AOPEP: variants seen among roughly 807,000 people sequenced by gnomAD.
AOPEP encodes aminopeptidase O.
AOPEP carries 77 observed loss-of-function variants against 98.1 expected under a neutral mutation model. The observed-to-expected ratio is 0.78, with a 90% CI of 0.65 to 0.95. The LOEUF (loss-of-function observed/expected upper bound fraction) is 0.95, where lower values mean the gene tolerates loss of function less well. Ranked by LOEUF, AOPEP falls within the 40% of genes least tolerant of loss-of-function variation. AOPEP has a pLI of 0.00. For synonymous variants in AOPEP, 346 were observed against 365.3 expected, an observed-to-expected ratio of 0.95 and a Z score of 0.60; for missense variants, 1,024 against 1,024.7, an observed-to-expected ratio of 1.00 and a Z score of 0.01.
intron 5 of AOPEP, among the ~76,000 whole-genome samples, chr9:94,831,799 G>A (rs10118818): frequency 0.99 from 151,160 of 152,048 alleles, 75,141 homozygotes; most frequent in Middle Eastern, 1. Context: ...AAAAATACCT[G>A]GAAATACAGC....
At chr9:94,932,104 T>C in intron 7 of AOPEP, 1 of 1,050,392 alleles carries the variant, frequency 9.5e-7, no homozygotes, top group African/African-American at 1.7e-5. Context: ...ATTCCTGTCT[T>C]CAGGGAACTG....
intron 5 of AOPEP, among the ~76,000 whole-genome samples, chr9:94,848,652 C>CA (rs904791676): frequency 6.0e-5 from 9 of 150,930 alleles, no homozygotes; most frequent in East Asian, 3.9e-4. Context: ...AAACCAAAAA[C>CA]AAAAAAACAA....
chr9:95,125,673 A>C, the AOPEP span, among the ~76,000 whole-genome samples: 1 of 152,248 alleles, frequency 6.6e-6, no homozygotes, highest in Non-Finnish European at 1.5e-5. Context: ...AAACAAACAA[A>C]AAAACTCTCA....
At chr9:94,878,892 G>A (rs952548666) in intron 5 of AOPEP, among the ~76,000 whole-genome samples, 2 of 152,224 alleles carry the variant, frequency 1.3e-5, no homozygotes, top group East Asian at 1.9e-4. Flanking sequence ...AGTAATTCAC[G>A]CAGAGCTGGC....
the AOPEP span, among the ~76,000 whole-genome samples, chr9:95,116,790 G>C: frequency 1.2e-4 from 19 of 152,350 alleles, no homozygotes; most frequent in South Asian, 3.9e-3. Flanking sequence ...TTGGAAGGCT[G>C]GCAAAGGATA....
chr9:94,811,059 T>C (rs540946633), intron 5 of AOPEP, among the ~76,000 whole-genome samples: 5 of 152,260 alleles, frequency 3.3e-5, no homozygotes, highest in Middle Eastern at 3.4e-3. Context: ...CTTCCAGATA[T>C]CTCCATTTGC....
the AOPEP span, chr9:95,098,966 T>A: frequency 5.8e-6 from 1 of 173,522 alleles, no homozygotes. Flanking sequence ...CACATCTAGG[T>A]TTCCTGAGGC....
chr9:95,026,712 C>T (rs763907080), intron 13 of AOPEP, among the ~76,000 whole-genome samples: 3 of 152,204 alleles, frequency 2.0e-5, no homozygotes, highest in East Asian at 1.9e-4. Flanking sequence ...CTAGGAGTCA[C>T]GTAAGTTGAG....
the AOPEP span, among the ~76,000 whole-genome samples, chr9:95,113,136 ATTCATGTGGCCAACCCCGCAGCC>A: frequency 3.3e-5 from 5 of 152,186 alleles, no homozygotes; most frequent in South Asian, 8.3e-4. Context: ...ACTGCAGGCT[ATTCATGTGGCCAACCCCGCAGCC>A]TCCATTGGCT....
intron 1 of AOPEP, among the ~76,000 whole-genome samples, chr9:94,742,807 A>G (rs1056168726): frequency 1.1e-4 from 16 of 152,066 alleles, no homozygotes; most frequent in Admixed American, 9.8e-4. Flanking sequence ...TGGGGCATGT[A>G]ATTTTGTGTT....
chr9:95,042,436 G>A (rs144923941), intron 13 of AOPEP, among the ~76,000 whole-genome samples: 1 of 152,288 alleles, frequency 6.6e-6, no homozygotes, highest in African/African-American at 2.4e-5. Flanking sequence ...TTGATTATGA[G>A]GAACTTGGAA....
chr9:95,130,637 T>C, the AOPEP span, among the ~76,000 whole-genome samples: 1 of 152,214 alleles, frequency 6.6e-6, no homozygotes, highest in African/African-American at 2.4e-5. Context: ...AATCAGCTGA[T>C]GGGCAGCTTC....
At chr9:95,064,385 C>T (rs897903691) in intron 14 of AOPEP, among the ~76,000 whole-genome samples, 3 of 152,196 alleles carry the variant, frequency 2.0e-5, no homozygotes, top group Non-Finnish European at 2.9e-5. Context: ...ACCTCCAACT[C>T]CCAGGTTCAA....
chr9:94,996,212 A>C (rs2061218556), intron 11 of AOPEP, among the ~76,000 whole-genome samples: 1 of 152,078 alleles, frequency 6.6e-6, no homozygotes, highest in South Asian at 2.1e-4. Context: ...GGCCCTTCCC[A>C]TTGTTTTCCT....
At chr9:94,914,523 C>CGTGTGTGTGTGTGTGTGTGTGTGT (rs67826706) in intron 5 of AOPEP, among the ~76,000 whole-genome samples, 50 of 143,592 alleles carry the variant, frequency 3.5e-4, no homozygotes, top group Non-Finnish European at 4.6e-4. Flanking sequence ...TGGCATTAGA[C>CGTGTGTGTGTGTGTGTGTGTGTGT]GTGTGTGTGT....
the AOPEP span, among the ~76,000 whole-genome samples, chr9:95,125,406 G>T: frequency 0.01 from 1,589 of 152,134 alleles, 29 homozygotes; most frequent in African/African-American, 0.037. Flanking sequence ...CTCTTTCTTG[G>T]TTCTTAAATT....
intron 1 of AOPEP, among the ~76,000 whole-genome samples, chr9:94,727,115 A>G (rs889700638): frequency 3.9e-5 from 6 of 152,258 alleles, no homozygotes; most frequent in African/African-American, 1.2e-4. Flanking sequence ...CACAGGGCTC[A>G]TCTCCAGTCT....
At chr9:94,743,205 AGAAGAGGAAGAAGAG>A (rs1833624649) in intron 1 of AOPEP, among the ~76,000 whole-genome samples, 1 of 139,976 alleles carries the variant, frequency 7.1e-6, no homozygotes, top group Non-Finnish European at 1.5e-5. Context: ...AAGAAGAGGA[AGAAGAGGAAGAAGAG>A]GAAGAAGAAG....
At chr9:94,732,246 A>AG (rs1830714136) in intron 1 of AOPEP, among the ~76,000 whole-genome samples, 1 of 36,128 alleles carries the variant, frequency 2.8e-5, no homozygotes, top group Non-Finnish European at 5.7e-5. Flanking sequence ...CTTTCAGTCA[A>AG]CTTTTTTTTT....
Sources: gnomAD v4.1 joint callset for allele counts (sites outside exome capture counted in the v4.1 genomes callset) on GRCh38, gnomAD v4.1.1 for gene constraint, MANE v1.5 for transcripts, NCBI Gene and HGNC (gene_info 2026-07-23, HGNC 2026-07-21) for gene names.